POU2F1: variants seen among roughly 807,000 people sequenced by gnomAD.
POU2F1 encodes POU domain, class 2, transcription factor 1.
A neutral mutation model predicts 84.9 loss-of-function variants in POU2F1; 16 were observed. The observed-to-expected ratio is 0.19, with a 90% CI of 0.13 to 0.29. The LOEUF is 0.29. Among genes scored for constraint, POU2F1 ranks in the 10% least tolerant of loss-of-function variants. The pLI is 1.00. For synonymous variants in POU2F1, 368 were observed against 368.3 expected, an observed-to-expected ratio of 1.00 and a Z score of 0.01; for missense variants, 738 against 942.6, an observed-to-expected ratio of 0.78 and a Z score of 2.84.
chr1:167,326,607 C>CT (rs536036195), intron 1 of POU2F1, among the ~76,000 whole-genome samples: 2 of 151,850 alleles, frequency 1.3e-5, no homozygotes, highest in African/African-American at 4.8e-5. Flanking sequence ...GCAATGTGAG[C>CT]TTTTTTTTCT....
intron 2 of POU2F1, among the ~76,000 whole-genome samples, chr1:167,333,310 G>C (rs1657205822): frequency 6.6e-6 from 1 of 152,060 alleles, no homozygotes; most frequent in East Asian, 1.9e-4. Flanking sequence ...CTGCCAGAGA[G>C]GATACAGGGA....
intron 2 of POU2F1, among the ~76,000 whole-genome samples, chr1:167,339,730 C>A (rs889383815): frequency 6.6e-6 from 1 of 152,120 alleles, no homozygotes; most frequent in Non-Finnish European, 1.5e-5. Flanking sequence ...AGTTTGTCAT[C>A]TTTTAAGAAA....
At chr1:167,246,211 C>A (rs563960786) in intron 1 of POU2F1, among the ~76,000 whole-genome samples, 1 of 152,014 alleles carries the variant, frequency 6.6e-6, no homozygotes, top group African/African-American at 2.4e-5. Flanking sequence ...GAAGACCCAC[C>A]TAGGAGATTT....
intron 1 of POU2F1, among the ~76,000 whole-genome samples, chr1:167,298,960 T>G (rs1362463661): frequency 3.3e-5 from 5 of 151,934 alleles, no homozygotes; most frequent in African/African-American, 1.2e-4. Context: ...GGTCGGGAGT[T>G]CGAGACCAGC....
rs370381619 is a variant in POU2F1, at chr1:167,314,155, G to A, written c.62-18315G>A. Among the ~76,000 whole-genome samples, 15 of 148,916 alleles carry A rather than the reference G, an allele frequency of 1.0e-4. No individual in the cohort carries two copies. The South Asian group carries it at 1.7e-3, about 17-fold the overall frequency. On this transcript the variant is annotated intron_variant, in intron 1 of 15. Coordinates refer to ENST00000367866, the MANE Select transcript of POU2F1 (RefSeq NM_002697.4). The stretch of plus-strand genomic sequence containing the variant: ...AGAGGTTGCAGTGAGCTGAGATTGC[G>A]CCACTGCACTCCAGCCTGGGCAACA...
chr1:167,397,899 G>T, intron 10 of POU2F1, 95 bp from the exon 11 acceptor site: 1 of 1,289,704 alleles, frequency 7.8e-7, no homozygotes, highest in Non-Finnish European at 1.1e-6. Context: ...CTTGGATGTA[G>T]CTTATTTTGT....
At chr1:167,277,263 A>C (rs760562773) in intron 1 of POU2F1, among the ~76,000 whole-genome samples, 19 of 151,064 alleles carry the variant, frequency 1.3e-4, no homozygotes, top group African/African-American at 4.4e-4. Flanking sequence ...AAGAGTTGGG[A>C]TCTTGCTCTG....
At chr1:167,387,387 G>T (rs1324329244) in intron 8 of POU2F1, 4 of 357,210 alleles carry the variant, frequency 1.1e-5, no homozygotes, top group East Asian at 1.5e-4. Flanking sequence ...CTACATAGGG[G>T]TCTGCTATGG....
At chr1:167,222,534 G>A (rs1340724051) in intron 1 of POU2F1, among the ~76,000 whole-genome samples, 1 of 152,014 alleles carries the variant, frequency 6.6e-6, no homozygotes, top group Non-Finnish European at 1.5e-5. Context: ...CCCAGGCCGT[G>A]CTGGGAAGAG....
intron 1 of POU2F1, among the ~76,000 whole-genome samples, chr1:167,258,881 T>A (rs1370589465): frequency 6.6e-6 from 1 of 152,244 alleles, no homozygotes; most frequent in East Asian, 1.9e-4. Context: ...GTTTAGTGTT[T>A]CTTATCAAAA....
At chr1:167,345,518 A>G (rs12726006) in intron 2 of POU2F1, among the ~76,000 whole-genome samples, 1 of 152,218 alleles carries the variant, frequency 6.6e-6, no homozygotes, top group Non-Finnish European at 1.5e-5. Context: ...GTCATAATCC[A>G]AGTTAGGAAG....
chr1:167,423,098 A>T lies in POU2F1; in HGVS notation c.*7288A>T, dbSNP rs1321209074. The T allele has an allele frequency of 6.6e-6, 1 of 152,178 alleles. No homozygotes were observed. Among genetic ancestry groups the T allele is most frequent in the East Asian group, 1.9e-4 (1 of 5,196 alleles). The allele number at this position is 152,178 out of a possible 1,614,324, so 9.4% of individuals were successfully genotyped here. ...AAATAGAACCAACACAGCCTATATG[A>T]GTTCAGACAATATTTAGATGTGGTA... is the stretch of plus-strand genomic sequence containing the variant. On this transcript the variant is annotated 3_prime_UTR_variant, in exon 16 of 16. Coordinates refer to ENST00000367866, the MANE Select transcript of POU2F1 (RefSeq NM_002697.4).
intron 1 of POU2F1, among the ~76,000 whole-genome samples, chr1:167,301,251 T>C (rs944732540): frequency 5.9e-5 from 9 of 152,366 alleles, no homozygotes; most frequent in African/African-American, 1.7e-4. Flanking sequence ...TAAAATTTTA[T>C]GTTTCTTTAG....
chr1:167,251,521 A>G lies in POU2F1; in HGVS notation c.61+30563A>G, dbSNP rs1650725550. Among the ~76,000 whole-genome samples, 5 of 152,338 alleles carry G rather than the reference A, an allele frequency of 3.3e-5. No individual in the cohort carries two copies. The South Asian group carries it at 1.0e-3, about 32-fold the overall frequency. Reference sequence around the variant, plus strand: ...TATTTGGTAGAGTATGGAGGGAAATATACTTAAGTGTTAGTTTGGAGAGGT... The same window carrying G: ...TATTTGGTAGAGTATGGAGGGAAATGTACTTAAGTGTTAGTTTGGAGAGGT... On this transcript the variant is annotated intron_variant, in intron 1 of 15. Transcript: ENST00000367866.
rs1303635047 is a variant in POU2F1 at position 167,280,883 on chromosome 1, G to A, written c.62-51587G>A. ...TATATGTTTGTTACTATGCTGTATT[G>A]TATCAATAAAGTAGGAACACACAGG... On this transcript the variant is annotated intron_variant, in intron 1 of 15. Transcript: ENST00000367866. Among the ~76,000 whole-genome samples the A allele has an allele frequency of 5.3e-5, 8 of 152,256 alleles. No individual in the cohort carries two copies. In the South Asian group the frequency reaches 1.7e-3, roughly 32 times the overall value.
chr1:167,268,581 A>G (rs1247366707), intron 1 of POU2F1, among the ~76,000 whole-genome samples: 7 of 152,326 alleles, frequency 4.6e-5, no homozygotes, highest in African/African-American at 1.7e-4. Context: ...TGTTGTCCAC[A>G]TGCCCTGCAC....
In POU2F1 at chr1:167,415,233, A is replaced by G. The variant is rs77029102; in HGVS notation, c.1991-267A>G. Among the ~76,000 whole-genome samples the G allele has an allele frequency of 8.8e-4, 134 of 152,348 alleles. 1 individual carries two copies. Among genetic ancestry groups the G allele is most frequent in the African/African-American group, 2.8e-3 (116 of 41,580 alleles). ...GATTTCAAGACACGAACATGACTCT[A>G]ATTCATTAGACAGTTATTAGCTGTC... On this transcript the variant is annotated intron_variant, in intron 15 of 15. Coordinates refer to ENST00000367866, the MANE Select transcript of POU2F1 (RefSeq NM_002697.4).
intron 1 of POU2F1, among the ~76,000 whole-genome samples, chr1:167,280,491 A>G (rs1653058261): frequency 6.6e-6 from 1 of 152,108 alleles, no homozygotes; most frequent in South Asian, 2.1e-4. Context: ...ATAGTCAGTC[A>G]TCCTGTATCA....
At chr1:167,395,228 C>T (rs954286218) in intron 9 of POU2F1, among the ~76,000 whole-genome samples, 22 of 152,188 alleles carry the variant, frequency 1.4e-4, no homozygotes, top group African/African-American at 5.1e-4. Context: ...TAGAGAAAGA[C>T]ATCTTTTGTA....
Sources: allele counts gnomAD v4.1 joint callset (sites outside exome capture counted in the v4.1 genomes callset), GRCh38; gene constraint gnomAD v4.1.1; transcripts MANE v1.5; gene names NCBI Gene and HGNC (gene_info 2026-07-23, HGNC 2026-07-21).